Variants in GOLGA8B observed in about 807,000 individuals in gnomAD.
The protein encoded by GOLGA8B is golgin subfamily A member 8B.
GOLGA8B carries 1 observed loss-of-function variant against 15.6 expected under a neutral mutation model. That is an observed-to-expected ratio of 0.06 (90% confidence interval 0.02 to 0.30). The LOEUF is 0.30. Among genes scored for constraint, GOLGA8B ranks in the 10% least tolerant of loss-of-function variants. The pLI is 1.00. For missense variants in GOLGA8B, 17 were observed against 201.3 expected (o/e 0.08, Z 5.54); for synonymous variants, 9 against 80.3 (o/e 0.11, Z 4.75).
intron 1 of GOLGA8B, among the ~76,000 whole-genome samples, chr15:34,579,095 A>T (rs2879515): frequency 6.6e-6 from 1 of 151,656 alleles, no homozygotes; most frequent in Non-Finnish European, 1.5e-5. Flanking sequence ...CCTCATGCGC[A>T]CATTGCAGAT....
chr15:34,557,676 G>GTGTGTGTGTGTGTC (rs895819604), intron 1 of GOLGA8B, among the ~76,000 whole-genome samples: 4 of 107,754 alleles, frequency 3.7e-5, no homozygotes, highest in African/African-American at 1.3e-4. Context: ...GTGTGTGTGT[G>GTGTGTGTGTGTGTC]TGTGTGTCTG....
intron 1 of GOLGA8B, among the ~76,000 whole-genome samples, chr15:34,554,480 ACAC>A (rs1188157824): frequency 2.3e-5 from 3 of 130,688 alleles, no homozygotes; most frequent in Admixed American, 7.9e-5. Flanking sequence ...CACAAACACT[ACAC>A]CACGCACACA....
chr15:34,580,481 G>A (rs1442484669), intron 1 of GOLGA8B, among the ~76,000 whole-genome samples: 1 of 46,552 alleles, frequency 2.1e-5, no homozygotes, highest in Non-Finnish European at 5.2e-5. Context: ...CCACCAGTAC[G>A]CAGGGTTCCA....
In GOLGA8B at chr15:34,525,614, A is replaced by T. The variant is rs1894424924; in HGVS notation, c.*2018T>A. 2 of 149,852 alleles carry T rather than the reference A, an allele frequency of 1.3e-5. No homozygotes were observed. Among genetic ancestry groups the T allele is most frequent in the East Asian group, 3.9e-4 (2 of 5,126 alleles). The allele number at this position is 149,852 out of a possible 1,614,324, so 9.3% of individuals were successfully genotyped here. The stretch of plus-strand genomic sequence containing the variant: ...AATGACTCTTTAGGATACAGTTTTA[A>T]ACCCACGGGCTAGAAATCATACCAC... On this transcript the variant is annotated 3_prime_UTR_variant, in exon 24 of 24. Coordinates refer to ENST00000683415, the MANE Select transcript of GOLGA8B (RefSeq NM_001023567.5).
At chr15:34,550,957 C>T (rs1260838741) in intron 4 of GOLGA8B, among the ~76,000 whole-genome samples, 181 bp downstream of exon 4, 4 of 93,630 alleles carry the variant, frequency 4.3e-5, no homozygotes, top group African/African-American at 1.9e-4. Flanking sequence ...ATTGTGCCAC[C>T]GCACTCTAGC....
Position 34,525,331 on chromosome 15 carries a change from G to C in GOLGA8B, c.*2301C>G, listed in dbSNP as rs1894420380. The C allele has an allele frequency of 6.7e-6, 1 of 149,736 alleles. No homozygotes were observed. Among genetic ancestry groups the C allele is most frequent in the Non-Finnish European group, 1.5e-5 (1 of 67,222 alleles). The allele number at this position is 149,736 out of a possible 1,614,324, so 9.3% of individuals were successfully genotyped here. On this transcript the variant is annotated 3_prime_UTR_variant, in exon 24 of 24. Coordinates refer to ENST00000683415, the MANE Select transcript of GOLGA8B (RefSeq NM_001023567.5). ...ACATTACAGTAGCATCACACCAGCA[G>C]TCAATAATGCCACTTTAGGCAAAAG... is the stretch of plus-strand genomic sequence containing the variant.
At chr15:34,583,018 G>A (rs901072274) in intron 1 of GOLGA8B, among the ~76,000 whole-genome samples, 15 of 152,176 alleles carry the variant, frequency 9.9e-5, no homozygotes, top group Admixed American at 2.0e-4. Flanking sequence ...CAGGAAAAGG[G>A]AAGGGGCGAA....
At chr15:34,576,242 A>G (rs1889078447) in intron 1 of GOLGA8B, among the ~76,000 whole-genome samples, 1 of 152,218 alleles carries the variant, frequency 6.6e-6, no homozygotes. Context: ...AAGTCAAGAC[A>G]AGTTGGAGAT....
intron 1 of GOLGA8B, among the ~76,000 whole-genome samples, chr15:34,567,462 G>A (rs3866556): frequency 3.3e-5 from 5 of 151,732 alleles, no homozygotes; most frequent in East Asian, 1.9e-4. Flanking sequence ...GAGACGTGAA[G>A]CAGGCTGCAG....
At chr15:34,559,180 C>T (rs369090188) in intron 1 of GOLGA8B, among the ~76,000 whole-genome samples, 1 of 144,630 alleles carries the variant, frequency 6.9e-6, no homozygotes, top group African/African-American at 2.7e-5. Flanking sequence ...AGTACTGTGT[C>T]ATTCCACTTC....
intron 1 of GOLGA8B, among the ~76,000 whole-genome samples, chr15:34,569,448 C>A (rs1337797845): frequency 3.3e-5 from 5 of 151,852 alleles, no homozygotes; most frequent in Admixed American, 3.3e-4. Context: ...CGCCACTCCC[C>A]TGCCCTACCA....
intron 1 of GOLGA8B, among the ~76,000 whole-genome samples, chr15:34,577,558 A>T (rs1373643018): frequency 4.0e-5 from 5 of 123,866 alleles, no homozygotes; most frequent in South Asian, 2.6e-4. Flanking sequence ...ACACACACAC[A>T]CAGATGCGTC....
chr15:34,574,478 A>AT (rs1449566743), intron 1 of GOLGA8B, among the ~76,000 whole-genome samples: 5 of 151,322 alleles, frequency 3.3e-5, no homozygotes, highest in Non-Finnish European at 4.4e-5. Flanking sequence ...TAATTTTTCT[A>AT]TTTTTTTGTA....
intron 1 of GOLGA8B, among the ~76,000 whole-genome samples, chr15:34,581,074 T>G (rs1889216631): frequency 6.6e-6 from 1 of 152,122 alleles, no homozygotes; most frequent in South Asian, 2.1e-4. Flanking sequence ...AGCCACCCAG[T>G]GATGTGTGCA....
At chr15:34,577,546 ACACACACACACAC>A (rs1481745011) in intron 1 of GOLGA8B, among the ~76,000 whole-genome samples, 32 of 140,360 alleles carry the variant, frequency 2.3e-4, no homozygotes, top group Non-Finnish European at 4.5e-4. Flanking sequence ...ACACACACAC[ACACACACACACAC>A]AGATGCGTCA....
intron 1 of GOLGA8B, among the ~76,000 whole-genome samples, chr15:34,570,125 C>T (rs1464817003): frequency 6.6e-6 from 1 of 152,182 alleles, no homozygotes; most frequent in Non-Finnish European, 1.5e-5. Flanking sequence ...GCCACCACCA[C>T]TGCCTGGGGG....
At chr15:34,572,107 T>C (rs1888930122) in intron 1 of GOLGA8B, among the ~76,000 whole-genome samples, 1 of 152,210 alleles carries the variant, frequency 6.6e-6, no homozygotes, top group South Asian at 2.1e-4. Context: ...AAATAAGCTA[T>C]CACTTCACAC....
At chr15:34,559,118 C>A (rs1487792831) in intron 1 of GOLGA8B, among the ~76,000 whole-genome samples, 1 of 141,212 alleles carries the variant, frequency 7.1e-6, no homozygotes, top group Non-Finnish European at 1.5e-5. Context: ...ACACAGGCTA[C>A]AATATGGATA....
At chr15:34,572,910 T>C (rs1216715548) in intron 1 of GOLGA8B, among the ~76,000 whole-genome samples, 1 of 152,202 alleles carries the variant, frequency 6.6e-6, no homozygotes, top group Non-Finnish European at 1.5e-5. Context: ...GGCAGCTTTC[T>C]TCTCCAGAGA....
Sources: allele counts gnomAD v4.1 joint callset (sites outside exome capture counted in the v4.1 genomes callset), GRCh38; gene constraint gnomAD v4.1.1; transcripts MANE v1.5; gene names NCBI Gene and HGNC (gene_info 2026-07-23, HGNC 2026-07-21).